RALGDS: variants seen among roughly 807,000 people sequenced by gnomAD.
RALGDS encodes ral guanine nucleotide dissociation stimulator.
A neutral mutation model predicts 99.8 loss-of-function variants in RALGDS; 44 were observed. The ratio of observed to expected loss-of-function variants is 0.44; its 90% CI spans 0.35 to 0.57. The LOEUF is 0.57. Ranked by LOEUF, RALGDS falls within the 20% of genes least tolerant of loss-of-function variation. The pLI is 0.01. For synonymous variants in RALGDS, 529 were observed against 505.0 expected (o/e 1.05, Z -0.64); for missense variants, 1,022 against 1,203.1 (o/e 0.85, Z 2.23).
Position 133,121,090 on chromosome 9 carries a change from C to T in RALGDS, c.65G>A (p.Gly22Asp), listed in dbSNP as rs1240723285. The T allele has an allele frequency of 4.1e-6, 6 of 1,478,556 alleles. No individual in the cohort carries two copies. The highest frequency in any genetic ancestry group is 5.4e-6 in the Non-Finnish European group (6 of 1,120,654). 91.6% of individuals were successfully genotyped at this position (1,478,556 alleles called of 1,614,324 possible). Residue 22 changes from glycine (G) to aspartate (D), a missense_variant, in exon 1 of 18, where the codon GGC becomes GAC. Transcript: ENST00000372050. ...CCACACGCTGCGGCTCCGCCGGGAG[C>T]CCGGAAACAGCGGCTCGGCGCCGCC... ...PAGGAEPLFP[G>D]SRRSRSVWDA...
chr9:133,142,067 T>G (rs1052249761), intron 1 of RALGDS, among the ~76,000 whole-genome samples: 2 of 152,188 alleles, frequency 1.3e-5, no homozygotes, highest in African/African-American at 4.8e-5. Context: ...ATTCTGCCAC[T>G]GTCAACTCTC....
At chr9:133,137,185 A>G (rs575539623) in intron 1 of RALGDS, among the ~76,000 whole-genome samples, 73 of 152,184 alleles carry the variant, frequency 4.8e-4, no homozygotes, top group African/African-American at 1.7e-3. Context: ...GTGAGCTGAG[A>G]TCGTGCCACT....
intron 16 of RALGDS, chr9:133,101,067 G>T: frequency 9.1e-7 from 1 of 1,102,070 alleles, no homozygotes. Context: ...TCCAAATCCT[G>T]TCTAGACTCT....
upstream of RALGDS, among the ~76,000 whole-genome samples, chr9:133,124,257 C>A (rs1194885709): frequency 6.6e-6 from 1 of 151,396 alleles, no homozygotes; most frequent in Admixed American, 6.6e-5. Flanking sequence ...GACACAGAGA[C>A]ACAGACGCAC....
rs1024191321 is a variant in RALGDS at position 133,109,572 on chromosome 9, T to C, written c.584+54A>G. ...GCTCCGGCCCCAGCCCCATGTACTC[T>C]CCCACTGTTCGGTGGGGACAGGGTC... On this transcript the variant is annotated intron_variant, in intron 4 of 17. Transcript: ENST00000372050. 2.7e-6 allele frequency: 4 copies of C among 1,491,312 alleles called. No individual in the cohort carries two copies. The African/African-American group carries it at 4.1e-5, about 15-fold the overall frequency. 92.4% of individuals were successfully genotyped at this position (1,491,312 alleles called of 1,614,324 possible).
At chr9:133,115,898 C>T (rs1831581132) in intron 1 of RALGDS, among the ~76,000 whole-genome samples, 1 of 152,248 alleles carries the variant, frequency 6.6e-6, no homozygotes, top group African/African-American at 2.4e-5. Flanking sequence ...AATACAGAAG[C>T]CAAACGTAAA....
chr9:133,132,643 CT>C (rs374598703), upstream of RALGDS, among the ~76,000 whole-genome samples: 12 of 148,508 alleles, frequency 8.1e-5, no homozygotes, highest in South Asian at 2.1e-4. Context: ...TTCTTTTTTT[CT>C]TTTTTTTTTG....
At chr9:133,129,863 T>TG (rs1832281484) in intron 1 of RALGDS, among the ~76,000 whole-genome samples, 2 of 150,188 alleles carry the variant, frequency 1.3e-5, no homozygotes, top group Admixed American at 1.3e-4. Context: ...TCGCCCAGGC[T>TG]GGAGTGCAGT....
intron 17 of RALGDS, 199 bp from the exon 18 acceptor site, chr9:133,098,961 A>C (rs1416112762): frequency 1.0e-5 from 6 of 595,672 alleles, no homozygotes; most frequent in Non-Finnish European, 1.8e-5. Context: ...ACAAAACCTG[A>C]TGACTCTTGT....
In RALGDS at chr9:133,111,034, T is replaced by A. The variant is rs1831311332; in HGVS notation, c.295-545A>T. Among the ~76,000 whole-genome samples the A allele has an allele frequency of 2.6e-5, 4 of 152,216 alleles. 1 individual carries two copies. The South Asian group carries it at 8.3e-4, about 31-fold the overall frequency. On this transcript the variant is annotated intron_variant, in intron 2 of 17. Transcript: ENST00000372050. ...TGTGAGCTATGATCATACCTCTGCA[T>A]GGCAGCCTGGGTGACAGAGTGAGAC...
chr9:133,146,495 G>A (rs750314095), intron 1 of RALGDS, among the ~76,000 whole-genome samples: 4 of 152,046 alleles, frequency 2.6e-5, no homozygotes, highest in Non-Finnish European at 5.9e-5. Flanking sequence ...CCCAGCCTCC[G>A]TTATGTTTAG....
rs186917837 is a variant in RALGDS at position 133,146,490 on chromosome 9, C to T, written c.18+2473G>A. 2.0e-5 allele frequency among the ~76,000 whole-genome samples: 3 copies of T among 152,316 alleles called. No homozygotes were observed. The East Asian group carries it at 5.8e-4, about 29-fold the overall frequency. ...TACAGGTGTGAGCCACCGCGCCCAG[C>T]CTCCGTTATGTTTAGAATCAGGCCT... On this transcript the variant is annotated intron_variant, in intron 1 of 17. Coordinates refer to the RALGDS transcript ENST00000393160.
At chr9:133,134,502 C>A (rs556151029), upstream of RALGDS, among the ~76,000 whole-genome samples, 1 of 152,230 alleles carries the variant, frequency 6.6e-6, no homozygotes, top group Non-Finnish European at 1.5e-5. Flanking sequence ...CCAGAGAGGG[C>A]GAACAACTTG....
intron 1 of RALGDS, among the ~76,000 whole-genome samples, chr9:133,115,753 G>A (rs557334776): frequency 2.0e-5 from 3 of 152,322 alleles, no homozygotes; most frequent in African/African-American, 7.2e-5. Context: ...ATGCTGGGCT[G>A]TAAAAACCTG....
Position 133,121,186 on chromosome 9 carries a change from CCGGCGCG to C in RALGDS, c.-39_-33del. The stretch of plus-strand genomic sequence containing the variant: ...CTCGCAGCGCGGGCGCGGGGCCGGC[CCGGCGCG>C]CGGCGGGGGCGGCGGCGCGGCCCGC... On this transcript the variant is annotated 5_prime_UTR_variant, in exon 1 of 18. Transcript: ENST00000372050. 1.1e-6 allele frequency: 1 copy of C among 911,124 alleles called. No homozygotes were observed. The highest frequency in any genetic ancestry group is 8.9e-5 in the East Asian group (1 of 11,296). The allele number at this position is 911,124 out of a possible 1,614,324, so 56.4% of individuals were successfully genotyped here.
chr9:133,101,426 A>C (rs1314709098), intron 16 of RALGDS, 94 bp downstream of exon 16: 1 of 1,596,410 alleles, frequency 6.3e-7, no homozygotes, highest in African/African-American at 1.3e-5. Context: ...GCCAACTACA[A>C]GGTAGACCCC....
chr9:133,103,973 C>T (rs897544597), intron 10 of RALGDS, 140 bp from the exon 11 acceptor site: 27 of 880,888 alleles, frequency 3.1e-5, no homozygotes, highest in Admixed American at 2.2e-4. Context: ...GGACCCCAGA[C>T]TCCCTCTAGC....
rs142698848 is a variant in RALGDS at position 133,110,378 on chromosome 9, C to T, written c.406G>A (p.Asp136Asn). Residue 136 changes from aspartate (D) to asparagine (N), a missense_variant, in exon 3 of 18, where the codon GAC becomes AAC. Transcript: ENST00000372050. ...AGGAAGATGGTGACGTAGGAGAGGT[C>T]GCTGCCCTGGAAGGCTGGCACCAGG... is the stretch of plus-strand genomic sequence containing the variant. ...EHLVPAFQGS[D>N]LSYVTIFLCT... is the part of the protein sequence containing the mutation. The T allele has an allele frequency of 6.4e-5, 103 of 1,613,534 alleles. No homozygotes were observed. The highest frequency in any genetic ancestry group is 8.2e-5 in the Non-Finnish European group (97 of 1,179,942).
upstream of RALGDS, among the ~76,000 whole-genome samples, chr9:133,126,104 G>A (rs370593119): frequency 6.6e-6 from 1 of 152,096 alleles, no homozygotes; most frequent in African/African-American, 2.4e-5. Context: ...AAGGACTCTC[G>A]AGATCACTAA....
Sources: allele counts gnomAD v4.1 joint callset (sites outside exome capture counted in the v4.1 genomes callset), GRCh38; gene constraint gnomAD v4.1.1; transcripts MANE v1.5; gene names NCBI Gene and HGNC (gene_info 2026-07-23, HGNC 2026-07-21).